NETO2: variants seen among roughly 807,000 people sequenced by gnomAD.
The protein encoded by NETO2 is neuropilin and tolloid-like protein 2.
A neutral mutation model predicts 62.5 loss-of-function variants in NETO2; 28 were observed. The observed-to-expected ratio is 0.45, with a 90% CI of 0.33 to 0.61. NETO2 has a LOEUF of 0.61. NETO2 is among the 20% of genes least tolerant of loss of function. NETO2 has a pLI of 0.02. For synonymous variants in NETO2, 214 were observed against 219.1 expected, an observed-to-expected ratio of 0.98 and a Z score of 0.21; for missense variants, 548 against 643.2, an observed-to-expected ratio of 0.85 and a Z score of 1.60.
At chr16:47,106,098 T>C (rs552573967) in intron 7 of NETO2, among the ~76,000 whole-genome samples, 1 of 152,312 alleles carries the variant, frequency 6.6e-6, no homozygotes, top group South Asian at 2.1e-4. Flanking sequence ...ACAATTCTGA[T>C]ACATATGACC....
At chr16:47,089,025 C>T (rs904429731) in intron 7 of NETO2, among the ~76,000 whole-genome samples, 1 of 152,218 alleles carries the variant, frequency 6.6e-6, no homozygotes, top group African/African-American at 2.4e-5. Flanking sequence ...ACCCAAGTTT[C>T]AGTACAACAG....
At chr16:47,128,297 A>G (rs763968344) in intron 4 of NETO2, 28 bp downstream of exon 4, 30 of 1,600,350 alleles carry the variant, frequency 1.9e-5, no homozygotes, top group Non-Finnish European at 2.4e-5. Context: ...GAGATGCCCA[A>G]CCACTTAAAA....
At chr16:47,100,491 A>C (rs1489797253) in intron 7 of NETO2, among the ~76,000 whole-genome samples, 1 of 151,078 alleles carries the variant, frequency 6.6e-6, no homozygotes, top group Admixed American at 6.6e-5. Flanking sequence ...ACACAAAAAA[A>C]AACAAAAGCA....
At chr16:47,116,896 A>G (rs1412282835) in intron 6 of NETO2, among the ~76,000 whole-genome samples, 1 of 152,196 alleles carries the variant, frequency 6.6e-6, no homozygotes, top group Non-Finnish European at 1.5e-5. Context: ...ATTTTCTGGC[A>G]TAGAGCTGTT....
Position 47,077,976 on chromosome 16 carries a change from G to A in NETO2, c.*5245C>T, listed in dbSNP as rs1567374801. On this transcript the variant is annotated 3_prime_UTR_variant, in exon 9 of 9. Coordinates refer to ENST00000562435, the MANE Select transcript of NETO2 (RefSeq NM_018092.5). ...TTATGGCTGGTGCACTGTGCACCCC[G>A]AAAGAACAGCTTGGCTCTCCAGCCC... 6.6e-6 allele frequency: 1 copy of A among 152,168 alleles called. No homozygotes were observed. The highest frequency in any genetic ancestry group is 1.5e-5 in the Non-Finnish European group (1 of 68,038). The allele number at this position is 152,168 out of a possible 1,614,324, so 9.4% of individuals were successfully genotyped here.
At position 47,131,270 on chromosome 16, in the gene NETO2, G is replaced by A. The variant is rs186528686; in HGVS notation, c.91+699C>T. ...AAAGAGCTAAATTCTCATCTTCCAC[G>A]GTGAAAAATCATTATCTAATTTATA... On this transcript the variant is annotated intron_variant, in intron 2 of 8. Transcript: ENST00000562435. 1.6e-4 allele frequency among the ~76,000 whole-genome samples: 24 copies of A among 152,034 alleles called. No individual in the cohort carries two copies. The East Asian group carries it at 3.5e-3, about 22-fold the overall frequency.
At chr16:47,110,562 C>T (rs1421985753) in intron 6 of NETO2, among the ~76,000 whole-genome samples, 2 of 152,122 alleles carry the variant, frequency 1.3e-5, no homozygotes, top group Non-Finnish European at 2.9e-5. Context: ...AATGTGCGTC[C>T]TTCTCATTCC....
chr16:47,136,997 C>T (rs992044245), intron 1 of NETO2, among the ~76,000 whole-genome samples: 1 of 152,130 alleles, frequency 6.6e-6, no homozygotes, highest in Non-Finnish European at 1.5e-5. Context: ...AAAATTCAGC[C>T]TTACAAACAT....
chr16:47,132,710 AC>A (rs1386614249), intron 1 of NETO2, among the ~76,000 whole-genome samples: 5 of 152,228 alleles, frequency 3.3e-5, no homozygotes, highest in African/African-American at 1.2e-4. Flanking sequence ...AGGAAACCAC[AC>A]TGCCAGCCTG....
At chr16:47,103,463 C>T (rs1293006565) in intron 7 of NETO2, among the ~76,000 whole-genome samples, 2 of 152,062 alleles carry the variant, frequency 1.3e-5, no homozygotes, top group Non-Finnish European at 2.9e-5. Context: ...TAACACTAAT[C>T]CTCAAACTCT....
rs763790812 is a variant in NETO2, at chr16:47,122,892, C to G, written c.502G>C (p.Gly168Arg). The change falls in exon 5 of 9, where the codon GGA (glycine) becomes CGA (arginine). Residue 168 changes from glycine (G) to arginine (R), a missense_variant. Coordinates refer to ENST00000562435, the MANE Select transcript of NETO2 (RefSeq NM_018092.5). ...FIPDPDFTYL[G>R]GILNPIPDCQ... ...CCTGGAATGGGATTTAAAATACCTC[C>G]TAGGTAAGTAAAGTCTGGATCTGTA... The G allele has an allele frequency of 6.2e-7, 1 of 1,613,618 alleles. No individual in the cohort carries two copies. Among genetic ancestry groups the G allele is most frequent in the Non-Finnish European group, 8.5e-7 (1 of 1,179,738 alleles).
intron 7 of NETO2, among the ~76,000 whole-genome samples, chr16:47,097,053 C>T: frequency 6.6e-6 from 1 of 152,222 alleles, no homozygotes; most frequent in African/African-American, 2.4e-5. Flanking sequence ...CCTCGGGTGC[C>T]TACACCACCA....
rs562920999 is a variant in NETO2, at chr16:47,109,482, C to T, written c.883+1G>A. ...CAATACTATAGGAATTATTTACTTA[C>T]GCTCCACAAAGGAAGTAAAGAGCAT... is the stretch of plus-strand genomic sequence containing the variant. On this transcript the variant is annotated splice_donor_variant, in intron 7 of 8. Transcript: ENST00000562435. LOFTEE classifies it high-confidence loss of function. 8.7e-6 allele frequency: 14 copies of T among 1,606,856 alleles called. No individual in the cohort carries two copies. The highest frequency in any genetic ancestry group is 1.0e-5 in the Non-Finnish European group (12 of 1,173,604).
intron 1 of NETO2, among the ~76,000 whole-genome samples, chr16:47,132,312 A>C (rs1964282552): frequency 6.6e-6 from 1 of 152,108 alleles, no homozygotes; most frequent in Non-Finnish European, 1.5e-5. Flanking sequence ...AAAAAAAAAA[A>C]ACACTTGTTT....
Position 47,143,657 on chromosome 16 carries a change from G to T in NETO2, c.-45C>A, listed in dbSNP as rs1362478969. 9 of 1,218,764 alleles carry T rather than the reference G, an allele frequency of 7.4e-6. No individual in the cohort carries two copies. In the African/African-American group the frequency reaches 1.4e-4, roughly 19 times the overall value. The allele number at this position is 1,218,764 out of a possible 1,614,324, so 75.5% of individuals were successfully genotyped here. Reference sequence around the variant, plus strand: ...CTTCGCGAAGGGCTGAGGTAGCGGCGGCGGTGGCTCGGCGCTCACGGCTCG... The same window carrying T: ...CTTCGCGAAGGGCTGAGGTAGCGGCTGCGGTGGCTCGGCGCTCACGGCTCG... On this transcript the variant is annotated 5_prime_UTR_variant, in exon 1 of 9. Coordinates refer to ENST00000562435, the MANE Select transcript of NETO2 (RefSeq NM_018092.5).
intron 7 of NETO2, among the ~76,000 whole-genome samples, chr16:47,094,416 CTTATTTATTTAT>C (rs962011848): frequency 1.3e-5 from 2 of 149,412 alleles, no homozygotes; most frequent in East Asian, 1.9e-4. Flanking sequence ...TATTTATTTA[CTTATTTATTTAT>C]TTATTTATTT....
intron 1 of NETO2, among the ~76,000 whole-genome samples, chr16:47,134,316 C>T (rs1015010312): frequency 2.0e-5 from 3 of 152,286 alleles, no homozygotes; most frequent in African/African-American, 7.2e-5. Context: ...TTCTCAATAA[C>T]GTTAATTTCC....
chr16:47,098,312 C>A (rs928379497), intron 7 of NETO2, among the ~76,000 whole-genome samples: 1 of 152,024 alleles, frequency 6.6e-6, no homozygotes, highest in African/African-American at 2.4e-5. Flanking sequence ...ACTAGAACAA[C>A]CAGTTTAGAG....
chr16:47,117,892 GC>G (rs1381424715), intron 6 of NETO2, among the ~76,000 whole-genome samples: 4 of 152,036 alleles, frequency 2.6e-5, no homozygotes, highest in Admixed American at 2.0e-4. Flanking sequence ...TTTGAGAACA[GC>G]CTAGGCAACA....
Sources: allele counts gnomAD v4.1 joint callset (sites outside exome capture counted in the v4.1 genomes callset), GRCh38; gene constraint gnomAD v4.1.1; transcripts MANE v1.5; gene names NCBI Gene and HGNC (gene_info 2026-07-23, HGNC 2026-07-21).